The following SPHKAP variants were observed in gnomAD, a reference collection of about 807,000 sequenced individuals.
SPHKAP encodes SPHK1 interactor, AKAP domain containing.
A neutral mutation model predicts 137.5 loss-of-function variants in SPHKAP; 67 were observed. That is an observed-to-expected ratio of 0.49 (90% confidence interval 0.40 to 0.60). The LOEUF (loss-of-function observed/expected upper bound fraction) is 0.60. Among genes scored for constraint, SPHKAP ranks in the 20% least tolerant of loss-of-function variants. The pLI is 0.00. For missense variants in SPHKAP, 2,097 were observed against 2,069.3 expected (o/e 1.01, Z -0.26); for synonymous variants, 813 against 785.3 (o/e 1.04, Z -0.59).
intron 2 of SPHKAP, among the ~76,000 whole-genome samples, chr2:228,129,491 C>T (rs1699179570): frequency 1.3e-5 from 2 of 152,036 alleles, no homozygotes; most frequent in African/African-American, 4.8e-5. Flanking sequence ...TATGATCTAT[C>T]TTTGTATTTC....
intron 2 of SPHKAP, among the ~76,000 whole-genome samples, chr2:228,113,603 A>ATCTCTCTC (rs139499722): frequency 0.011 from 1,066 of 97,942 alleles, 56 homozygotes; most frequent in Middle Eastern, 0.013. Context: ...GCATTTAGCC[A>ATCTCTCTC]TCTCTCTCTC....
At chr2:228,144,443 A>T (rs1038170406) in intron 1 of SPHKAP, among the ~76,000 whole-genome samples, 2 of 148,200 alleles carry the variant, frequency 1.3e-5, no homozygotes, top group Admixed American at 1.4e-4. Flanking sequence ...CAATGAGTTC[A>T]TTAAAACAAA....
intron 9 of SPHKAP, 142 bp from the exon 10 acceptor site, chr2:227,991,468 T>C (rs1339111712): frequency 7.3e-6 from 11 of 1,509,666 alleles, no homozygotes; most frequent in South Asian, 1.3e-5. Flanking sequence ...AGAGTAATGC[T>C]GGGAAAACAC....
intron 3 of SPHKAP, among the ~76,000 whole-genome samples, chr2:228,062,173 CTT>C (rs60143983): frequency 3.5e-5 from 5 of 143,484 alleles, no homozygotes; most frequent in Admixed American, 1.4e-4. Context: ...TTTAATTTTT[CTT>C]TTTTTTTTTT....
chr2:228,104,409 T>G (rs1559175514), intron 3 of SPHKAP, among the ~76,000 whole-genome samples: 1 of 133,486 alleles, frequency 7.5e-6, no homozygotes, highest in Non-Finnish European at 1.6e-5. Context: ...ATTCAAATTA[T>G]TCAAATATAA....
chr2:228,148,074 T>C (rs1699830283), intron 1 of SPHKAP, among the ~76,000 whole-genome samples: 1 of 152,198 alleles, frequency 6.6e-6, no homozygotes, highest in Non-Finnish European at 1.5e-5. Flanking sequence ...TGTCCCATAC[T>C]AACTGTCTTT....
At chr2:228,146,037 T>G (rs140531538) in intron 1 of SPHKAP, among the ~76,000 whole-genome samples, 1 of 152,170 alleles carries the variant, frequency 6.6e-6, no homozygotes, top group East Asian at 1.9e-4. Flanking sequence ...TCCCCTCAGA[T>G]TTTTTTGCTT....
At chr2:227,982,293 TG>T (rs2106147014) in intron 11 of SPHKAP, 1 of 985,324 alleles carries the variant, frequency 1.0e-6, no homozygotes, top group South Asian at 4.7e-5. Flanking sequence ...ATAAATCAAG[TG>T]GTAAACTTTG....
At chr2:227,993,835 TACTAATAATTTGTG>T (rs1166235271) in intron 8 of SPHKAP, among the ~76,000 whole-genome samples, 2 of 152,116 alleles carry the variant, frequency 1.3e-5, no homozygotes, top group Non-Finnish European at 2.9e-5. Flanking sequence ...ATAATAATAC[TACTAATAATTTGTG>T]AATAATAATA....
rs374395516 is a variant in SPHKAP, at chr2:228,017,652, G to A, written c.3202C>T (p.Arg1068Trp). 7 of 1,613,840 alleles carry A rather than the reference G, an allele frequency of 4.3e-6. No individual in the cohort carries two copies. The highest frequency in any genetic ancestry group is 2.2e-5 in the South Asian group (2 of 91,076). The change falls in exon 7 of 12, where the codon CGG becomes TGG. Residue 1068 changes from arginine (R) to tryptophan (W), a missense_variant. By Grantham distance (101) the Arg-to-Trp change is moderately radical. Coordinates refer to ENST00000392056, the MANE Select transcript of SPHKAP (RefSeq NM_001142644.2). ...MWQAQGYPRN[R>W]LLSGDRWSRL... Reference sequence around the variant, plus strand: ...CTCCACCTGTCGCCACTCAGTAACCGATTCCGGGGATAGCCCTGCGCCTGC... The same window carrying A: ...CTCCACCTGTCGCCACTCAGTAACCAATTCCGGGGATAGCCCTGCGCCTGC...
intron 1 of SPHKAP, among the ~76,000 whole-genome samples, chr2:228,146,110 GA>G (rs1699767561): frequency 6.6e-6 from 1 of 151,862 alleles, no homozygotes; most frequent in Non-Finnish European, 1.5e-5. Flanking sequence ...ACTATGTTTA[GA>G]GCAATTTTAG....
chr2:228,178,908 T>G (rs1700818372), intron 1 of SPHKAP, among the ~76,000 whole-genome samples: 2 of 151,666 alleles, frequency 1.3e-5, no homozygotes, highest in African/African-American at 4.8e-5. Flanking sequence ...TACAGTTTAA[T>G]AACTCAAAGA....
intron 3 of SPHKAP, among the ~76,000 whole-genome samples, chr2:228,102,744 T>G (rs1175768716): frequency 3.3e-5 from 5 of 151,572 alleles, no homozygotes; most frequent in Admixed American, 2.6e-4. Context: ...CAATTTTTTT[T>G]GTTGTTTGTT....
chr2:228,015,383 C>G (rs946412260), intron 7 of SPHKAP, among the ~76,000 whole-genome samples: 5 of 151,690 alleles, frequency 3.3e-5, no homozygotes, highest in African/African-American at 1.2e-4. Flanking sequence ...AATAAACATA[C>G]GTGTTCATGT....
chr2:228,031,050 A>G (rs1031508453), intron 3 of SPHKAP, among the ~76,000 whole-genome samples: 1 of 152,202 alleles, frequency 6.6e-6, no homozygotes, highest in African/African-American at 2.4e-5. Context: ...ACCGTGCATG[A>G]GCCAAAGGAG....
At chr2:227,994,513 G>A (rs112408106) in intron 8 of SPHKAP, among the ~76,000 whole-genome samples, 150 of 152,240 alleles carry the variant, frequency 9.9e-4, no homozygotes, top group Middle Eastern at 6.8e-3. Context: ...GTCGTGTAGT[G>A]GGACGGCTTT....
chr2:228,126,808 C>A (rs1361699075), intron 2 of SPHKAP, among the ~76,000 whole-genome samples: 1 of 152,132 alleles, frequency 6.6e-6, no homozygotes, highest in Non-Finnish European at 1.5e-5. Flanking sequence ...TTCCAGGGAC[C>A]ATATTTCTCC....
At chr2:228,165,808 C>T (rs1700406406) in intron 1 of SPHKAP, among the ~76,000 whole-genome samples, 1 of 152,146 alleles carries the variant, frequency 6.6e-6, no homozygotes, top group African/African-American at 2.4e-5. Context: ...AATTAGTTTC[C>T]AGTAAAGTTC....
intron 11 of SPHKAP, among the ~76,000 whole-genome samples, chr2:227,986,602 C>A (rs1278431820): frequency 6.6e-6 from 1 of 152,286 alleles, no homozygotes; most frequent in Admixed American, 6.5e-5. Flanking sequence ...ATACCATCAA[C>A]ATTTTCTCCT....
Sources: allele counts gnomAD v4.1 joint callset (sites outside exome capture counted in the v4.1 genomes callset), GRCh38; gene constraint gnomAD v4.1.1; transcripts MANE v1.5; gene names NCBI Gene and HGNC (gene_info 2026-07-23, HGNC 2026-07-21).